The following KAZN variants were observed in gnomAD, a reference collection of about 807,000 sequenced individuals.
KAZN encodes kazrin, periplakin interacting protein, also known as kazrin.
In KAZN, 40 loss-of-function variants were observed where a neutral mutation model predicts 87.4. That is an observed-to-expected ratio of 0.46 (90% confidence interval 0.36 to 0.60). The LOEUF is 0.60. KAZN is among the 20% of genes least tolerant of loss of function. KAZN has a pLI of 0.00. For synonymous variants in KAZN, 466 were observed against 458.3 expected (o/e 1.02, Z -0.22); for missense variants, 898 against 1,073.9 (o/e 0.84, Z 2.29).
intron 1 of KAZN, among the ~76,000 whole-genome samples, chr1:14,959,953 C>T (rs1663645497): frequency 6.6e-6 from 1 of 152,178 alleles, no homozygotes; most frequent in East Asian, 1.9e-4. Context: ...TTTCTGGGGC[C>T]TCACTGTATG....
chr1:14,608,157 G>A (rs1374576060), intron 1 of KAZN, among the ~76,000 whole-genome samples: 1 of 152,214 alleles, frequency 6.6e-6, no homozygotes, highest in Non-Finnish European at 1.5e-5. Context: ...GTCACTATCA[G>A]GTAGCCCAAA....
chr1:14,248,013 A>G (rs780683387), intron 2 of KAZN, among the ~76,000 whole-genome samples: 8 of 152,212 alleles, frequency 5.3e-5, no homozygotes, highest in Non-Finnish European at 8.8e-5. Flanking sequence ...TTGCAGGTGT[A>G]AAACGCCACT....
chr1:14,631,696 G>A (rs1001383741), intron 1 of KAZN, among the ~76,000 whole-genome samples: 16 of 152,246 alleles, frequency 1.1e-4, no homozygotes, highest in African/African-American at 3.6e-4. Flanking sequence ...GAGGGCGGGA[G>A]CACATGAGCC....
chr1:14,025,691 C>G (rs969320565), intron 1 of KAZN, among the ~76,000 whole-genome samples: 4 of 152,136 alleles, frequency 2.6e-5, no homozygotes, highest in Admixed American at 6.6e-5. Context: ...TTGAGCATTT[C>G]AAATGTGGCT....
At chr1:14,330,429 G>A (rs1032593074) in intron 2 of KAZN, among the ~76,000 whole-genome samples, 3 of 152,220 alleles carry the variant, frequency 2.0e-5, no homozygotes, top group Middle Eastern at 3.4e-3. Context: ...GTGCCAGTGA[G>A]GAGAAGAAGC....
chr1:15,061,385 T>C (rs1048564261), intron 6 of KAZN: 1 of 152,228 alleles, frequency 6.6e-6, no homozygotes, highest in African/African-American at 2.4e-5. Context: ...TCAGAGAAGC[T>C]GCCTCAGTCT....
chr1:14,614,161 G>A lies in KAZN; in HGVS notation c.226+14938G>A, dbSNP rs192765477. Among the ~76,000 whole-genome samples, 30 of 152,224 alleles carry A rather than the reference G, an allele frequency of 2.0e-4. No individual in the cohort carries two copies. In the East Asian group the frequency reaches 5.2e-3, roughly 26 times the overall value. ...CTAAAACCCCTCAAGCATGTGATCC[G>A]TCATATCATTTTCTCATTTATGCCA... On this transcript the variant is annotated intron_variant, in intron 1 of 14. Transcript: ENST00000376030.
At chr1:14,929,842 C>A in intron 1 of KAZN, 2 of 985,478 alleles carry the variant, frequency 2.0e-6, no homozygotes, top group Non-Finnish European at 2.4e-6. Context: ...ACAAGGACAA[C>A]CTCTGTCTCC....
rs1678892227 is a variant in KAZN, at chr1:14,623,727, T to G, written c.226+24504T>G. Among the ~76,000 whole-genome samples, 3 of 152,340 alleles carry G rather than the reference T, an allele frequency of 2.0e-5. No homozygotes were observed. In the South Asian group the frequency reaches 6.2e-4, roughly 32 times the overall value. On this transcript the variant is annotated intron_variant, in intron 1 of 14. Coordinates refer to ENST00000376030, the MANE Select transcript of KAZN (RefSeq NM_201628.3). ...ATTGCTTTGGCTGCATCCCACAGAT[T>G]TTGATACCTTGTATGTTCATTTTCA...
intron 1 of KAZN, among the ~76,000 whole-genome samples, chr1:14,883,341 A>AGAGAGAGAGAGAGAAAGAAAG (rs1553150560): frequency 3.4e-5 from 1 of 29,510 alleles, no homozygotes; most frequent in African/African-American, 9.0e-5. Context: ...AGAGAGAGAG[A>AGAGAGAGAGAGAGAAAGAAAG]GAAAGAAAGA....
intron 1 of KAZN, among the ~76,000 whole-genome samples, chr1:14,604,400 C>T (rs1182915386): frequency 6.6e-6 from 1 of 152,206 alleles, no homozygotes; most frequent in Non-Finnish European, 1.5e-5. Context: ...CCTGCCACCA[C>T]CCTCCAAATC....
intron 1 of KAZN, among the ~76,000 whole-genome samples, chr1:14,828,123 A>C (rs1646950834): frequency 6.6e-6 from 1 of 152,206 alleles, no homozygotes. Context: ...CCCTTGGCAT[A>C]CACAATCAAT....
intron 2 of KAZN, among the ~76,000 whole-genome samples, chr1:14,207,215 C>G (rs1646765082): frequency 6.6e-6 from 1 of 152,170 alleles, no homozygotes; most frequent in Non-Finnish European, 1.5e-5. Flanking sequence ...CTGCCCACCT[C>G]AGCCTCCCAA....
At chr1:13,900,515 G>A (rs977951511) in intron 1 of KAZN, among the ~76,000 whole-genome samples, 9 of 152,146 alleles carry the variant, frequency 5.9e-5, no homozygotes, top group Admixed American at 6.5e-5. Context: ...AAGCAACAGG[G>A]TGAAGTGGGG....
At chr1:14,296,784 C>T (rs184047659) in intron 2 of KAZN, among the ~76,000 whole-genome samples, 7 of 152,032 alleles carry the variant, frequency 4.6e-5, no homozygotes, top group Middle Eastern at 3.4e-3. Flanking sequence ...TACAGGCACA[C>T]GCCATCATGC....
chr1:14,421,701 C>T (rs1234704174), intron 2 of KAZN, among the ~76,000 whole-genome samples: 3 of 152,136 alleles, frequency 2.0e-5, no homozygotes, highest in Non-Finnish European at 2.9e-5. Flanking sequence ...CAAAACTTCA[C>T]AGAACCTGAT....
intron 1 of KAZN, among the ~76,000 whole-genome samples, chr1:14,699,698 A>G (rs1641813655): frequency 6.6e-6 from 1 of 152,216 alleles, no homozygotes; most frequent in Non-Finnish European, 1.5e-5. Flanking sequence ...ACCATGCATG[A>G]CAAGAACGAA....
chr1:15,071,361 C>G (rs959033725), intron 8 of KAZN, among the ~76,000 whole-genome samples: 3 of 152,094 alleles, frequency 2.0e-5, no homozygotes, highest in Admixed American at 2.0e-4. Context: ...AAGCGATTCT[C>G]CCACCTCAGC....
intron 2 of KAZN, among the ~76,000 whole-genome samples, chr1:14,270,017 C>T (rs1651793579): frequency 6.6e-6 from 1 of 152,128 alleles, no homozygotes; most frequent in Admixed American, 6.5e-5. Context: ...GTGCCTGCAC[C>T]TGCTCCGGGC....
Sources: gnomAD v4.1 joint callset for allele counts (sites outside exome capture counted in the v4.1 genomes callset) on GRCh38, gnomAD v4.1.1 for gene constraint, MANE v1.5 for transcripts, NCBI Gene and HGNC (gene_info 2026-07-23, HGNC 2026-07-21) for gene names.